Variants in TRDN observed in about 807,000 individuals in gnomAD.
TRDN encodes triadin.
TRDN carries 161 observed loss-of-function variants against 149.7 expected under a neutral mutation model. The observed-to-expected ratio is 1.08, with a 90% CI of 0.95 to 1.23. TRDN has a LOEUF of 1.23. Ranked by LOEUF, TRDN falls within the 50% of genes most tolerant of loss-of-function variation. TRDN has a pLI of 0.00. For missense variants in TRDN, 896 were observed against 823.5 expected (o/e 1.09, Z -1.08); for synonymous variants, 294 against 250.5 (o/e 1.17, Z -1.64).
intron 1 of TRDN, among the ~76,000 whole-genome samples, chr6:123,584,419 A>G (rs1032864357): frequency 6.6e-6 from 1 of 152,000 alleles, no homozygotes; most frequent in Non-Finnish European, 1.5e-5. Context: ...AGTAAGGTCA[A>G]GTTGTTTGGA....
intron 30 of TRDN, among the ~76,000 whole-genome samples, chr6:123,270,434 T>G (rs1342965642): frequency 1.3e-5 from 2 of 151,790 alleles, no homozygotes; most frequent in African/African-American, 2.4e-5. Context: ...TTTCACAGAG[T>G]TTTTCTTTTG....
At chr6:123,300,805 T>C (rs1778369784) in intron 24 of TRDN, among the ~76,000 whole-genome samples, 1 of 152,016 alleles carries the variant, frequency 6.6e-6, no homozygotes, top group East Asian at 1.9e-4. Context: ...ACTAGTATAA[T>C]ATATAACTAA....
At chr6:123,399,564 G>T (rs768666147) in intron 12 of TRDN, among the ~76,000 whole-genome samples, 15 of 152,100 alleles carry the variant, frequency 9.9e-5, no homozygotes, top group Non-Finnish European at 2.2e-4. Flanking sequence ...GCAATACCAT[G>T]GAAGATATGA....
At chr6:123,389,279 T>A (rs986395688) in intron 13 of TRDN, 9 of 152,242 alleles carry the variant, frequency 5.9e-5, no homozygotes, top group Non-Finnish European at 1.3e-4. Flanking sequence ...CTGTGTAATG[T>A]TTATCCAGGA....
At chr6:123,620,520 C>T (rs1562135839) in intron 1 of TRDN, among the ~76,000 whole-genome samples, 2 of 151,960 alleles carry the variant, frequency 1.3e-5, no homozygotes, top group Non-Finnish European at 2.9e-5. Context: ...TACCCATGCT[C>T]TTCACAGAGT....
At chr6:123,372,665 G>T (rs1781366312) in intron 19 of TRDN, among the ~76,000 whole-genome samples, 1 of 152,098 alleles carries the variant, frequency 6.6e-6, no homozygotes. Flanking sequence ...GAAAGAGAAA[G>T]GGGTGATGTG....
intron 8 of TRDN, 80 bp downstream of exon 8, chr6:123,503,639 C>T (rs1182828321): frequency 6.3e-7 from 1 of 1,577,262 alleles, no homozygotes; most frequent in South Asian, 1.2e-5. Flanking sequence ...TGGTCTTTTT[C>T]AACTTTTAAT....
intron 1 of TRDN, among the ~76,000 whole-genome samples, chr6:123,581,296 A>G (rs1346058335): frequency 6.6e-6 from 1 of 152,046 alleles, no homozygotes; most frequent in Non-Finnish European, 1.5e-5. Flanking sequence ...CCTGAACTCT[A>G]CTCTTCTTAC....
chr6:123,589,685 A>T (rs1783688040), intron 1 of TRDN, among the ~76,000 whole-genome samples: 1 of 152,162 alleles, frequency 6.6e-6, no homozygotes, highest in African/African-American at 2.4e-5. Context: ...CTATTTTATT[A>T]CCTGTAAGAG....
intron 5 of TRDN, among the ~76,000 whole-genome samples, chr6:123,517,856 T>G (rs1332470969): frequency 6.6e-6 from 1 of 152,154 alleles, no homozygotes; most frequent in African/African-American, 2.4e-5. Context: ...TGTACATAAT[T>G]ATATTTCAGC....
At chr6:123,609,606 C>G (rs897717431) in intron 1 of TRDN, among the ~76,000 whole-genome samples, 4 of 152,090 alleles carry the variant, frequency 2.6e-5, no homozygotes, top group Admixed American at 1.3e-4. Flanking sequence ...ACAGATGGAA[C>G]AAAATTAGGG....
In TRDN at chr6:123,626,827, T is replaced by G. The variant is rs541984199; in HGVS notation, c.22+9927A>C. On this transcript the variant is annotated intron_variant, in intron 1 of 40. Coordinates refer to ENST00000334268, the MANE Select transcript of TRDN (RefSeq NM_006073.4). The stretch of plus-strand genomic sequence containing the variant: ...TAGAATGGTGAATTCTTGAGAAAGT[T>G]GTCAATATAGTTTGCTTGGATCCAT... Among the ~76,000 whole-genome samples the G allele has an allele frequency of 3.3e-5, 5 of 152,122 alleles. No individual in the cohort carries two copies. The East Asian group carries it at 9.6e-4, about 29-fold the overall frequency.
intron 23 of TRDN, among the ~76,000 whole-genome samples, chr6:123,321,092 G>GA (rs1779226375): frequency 6.6e-6 from 1 of 152,036 alleles, no homozygotes; most frequent in Non-Finnish European, 1.5e-5. Flanking sequence ...AGGGGGTCTG[G>GA]AAAACGTGGT....
chr6:123,389,735 AC>A (rs1782037225), intron 13 of TRDN, among the ~76,000 whole-genome samples: 1 of 152,142 alleles, frequency 6.6e-6, no homozygotes, highest in Non-Finnish European at 1.5e-5. Flanking sequence ...CTACTTTGGG[AC>A]ATTTGTTTCT....
At chr6:123,529,565 G>A (rs935187334) in intron 5 of TRDN, 53 of 511,158 alleles carry the variant, frequency 1.0e-4, no homozygotes, top group Non-Finnish European at 1.6e-4. Flanking sequence ...ATAAATTCAC[G>A]TGCTAGTATA....
At chr6:123,553,364 A>G (rs1781491151) in intron 2 of TRDN, among the ~76,000 whole-genome samples, 1 of 152,104 alleles carries the variant, frequency 6.6e-6, no homozygotes, top group African/African-American at 2.4e-5. Context: ...AGGAAAGAAC[A>G]ACTAAGAGGT....
chr6:123,413,029 A>C (rs1363615703), intron 12 of TRDN, among the ~76,000 whole-genome samples: 1 of 152,178 alleles, frequency 6.6e-6, no homozygotes, highest in Admixed American at 6.5e-5. Flanking sequence ...GTGGACAATG[A>C]AAAAATCACA....
chr6:123,591,371 G>A (rs1327901543), intron 1 of TRDN, among the ~76,000 whole-genome samples: 3 of 152,054 alleles, frequency 2.0e-5, no homozygotes, highest in Non-Finnish European at 2.9e-5. Flanking sequence ...TCAGCCTCCT[G>A]AGTAGCTGGG....
intron 15 of TRDN, among the ~76,000 whole-genome samples, 152 bp downstream of exon 15, chr6:123,381,956 GCTCTCTCTCT>G (rs55997261): frequency 4.3e-4 from 59 of 138,520 alleles, no homozygotes; most frequent in Middle Eastern, 3.7e-3. Context: ...TAGATTTGGC[GCTCTCTCTCT>G]CTCTCTCTCT....
Sources: allele counts gnomAD v4.1 joint callset (sites outside exome capture counted in the v4.1 genomes callset), GRCh38; gene constraint gnomAD v4.1.1; transcripts MANE v1.5; gene names NCBI Gene and HGNC (gene_info 2026-07-23, HGNC 2026-07-21).